The following RNF123 variants were observed in gnomAD, a reference collection of about 807,000 sequenced individuals.
The protein encoded by RNF123 is ring finger protein 123.
In RNF123, 86 loss-of-function variants were observed where a neutral mutation model predicts 168.5. That is an observed-to-expected ratio of 0.51 (90% CI 0.43 to 0.61). The LOEUF (loss-of-function observed/expected upper bound fraction) is 0.61. RNF123 is among the 20% of genes least tolerant of loss of function. The pLI, the probability that RNF123 is intolerant of heterozygous loss-of-function variation, is 0.00. For missense variants in RNF123, 1,419 were observed against 1,729.7 expected (o/e 0.82, Z 3.19); for synonymous variants, 666 against 689.1 (o/e 0.97, Z 0.52).
In RNF123 at chr3:49,720,572, T is replaced by TATC; in HGVS notation, c.3563_3565dup (p.Tyr1188_Leu1189insHis). ...CTGCTTCCAGCTACGCTCAATATGC[T>TATC]ATCTCCTGGGACAGCCAGAGCCCCC... On this transcript the variant is annotated inframe_insertion, in exon 36 of 39. Transcript: ENST00000327697. 1.2e-6 allele frequency: 2 copies of TATC among 1,612,146 alleles called. No individual in the cohort carries two copies. Among genetic ancestry groups the TATC allele is most frequent in the Non-Finnish European group, 1.7e-6 (2 of 1,178,900 alleles).
intron 26 of RNF123, among the ~76,000 whole-genome samples, chr3:49,711,351 C>T (rs1353630980): frequency 2.6e-5 from 4 of 152,158 alleles, no homozygotes; most frequent in Non-Finnish European, 4.4e-5. Flanking sequence ...ACATCTTCCC[C>T]TTCATCTCCC....
rs200239238 is a variant in RNF123 at position 49,702,400 on chromosome 3, C to T, written c.1624C>T (p.Arg542Trp). ...GTTTCTGCAGGAGAACGCCAGTGGC[C>T]GGGGGGTAGGTGTCCTCCAGGCCAG... Reference protein sequence around the residue: ...RKFLQENASGRGNMPMLCPPE... With the variant: ...RKFLQENASGWGNMPMLCPPE... Residue 542 changes from arginine to tryptophan, a missense_variant, in exon 19 of 39, where the codon CGG (arginine) becomes TGG (tryptophan). Coordinates refer to ENST00000327697, the MANE Select transcript of RNF123 (RefSeq NM_022064.5). 14 of 1,614,104 alleles carry T rather than the reference C, an allele frequency of 8.7e-6. No homozygotes were observed. Among genetic ancestry groups the T allele is most frequent in the Middle Eastern group, 1.6e-4 (1 of 6,062 alleles).
Position 49,702,188 on chromosome 3 carries a change from G to A in RNF123, c.1557+44G>A, listed in dbSNP as rs530894450. ...CCCTGGGTGGGGCCCTGTGGGGAGG[G>A]ATGCTGCACTGGGCCTTAAGACCCA... On this transcript the variant is annotated intron_variant, in intron 18 of 38. Coordinates refer to ENST00000327697, the MANE Select transcript of RNF123 (RefSeq NM_022064.5). 4 of 1,602,488 alleles carry A rather than the reference G, an allele frequency of 2.5e-6. No individual in the cohort carries two copies. In the Admixed American group the frequency reaches 5.0e-5, roughly 20 times the overall value.
rs754498667 is a variant in RNF123 at position 49,700,581 on chromosome 3, C to T, written c.1203+17C>T. ...GGCCTACAGGTGGGAGCCCCTACCC[C>T]TGCCCTGAGCCCCCTGGGACTCGCC... On this transcript the variant is annotated intron_variant, in intron 14 of 38. Coordinates refer to ENST00000327697, the MANE Select transcript of RNF123 (RefSeq NM_022064.5). The T allele has an allele frequency of 2.8e-5, 46 of 1,614,096 alleles. No homozygotes were observed. The Admixed American group carries it at 7.0e-4, about 25-fold the overall frequency.
intron 2 of RNF123, 57 bp from the exon 3 acceptor site, chr3:49,691,368 G>C: frequency 6.2e-7 from 1 of 1,604,400 alleles, no homozygotes; most frequent in Non-Finnish European, 8.5e-7. Flanking sequence ...GGGCCAGCAG[G>C]GGCCAGGAGC....
At chr3:49,692,900 A>T (rs1214286064) in intron 3 of RNF123, among the ~76,000 whole-genome samples, 1 of 152,154 alleles carries the variant, frequency 6.6e-6, no homozygotes, top group Non-Finnish European at 1.5e-5. Context: ...ATTGCTTCCA[A>T]ATCTTGGCTA....
Position 49,702,655 on chromosome 3 carries a change from C to G in RNF123, c.1652C>G (p.Pro551Arg). The change falls in exon 20 of 39, where the codon CCT (proline) becomes CGT (arginine). Residue 551 changes from proline (P) to arginine (R), a missense_variant. Physicochemically the swap from Pro to Arg is moderately radical, Grantham distance 103. Transcript: ENST00000327697. ...CAGAACATGCCCATGCTCTGCCCCC[C>G]TGAGTACATGGTCTGCTTCTTACAC... ...GRGNMPMLCP[P>R]EYMVCFLHRL... 1.2e-6 allele frequency: 2 copies of G among 1,614,260 alleles called. No homozygotes were observed. The highest frequency in any genetic ancestry group is 1.7e-6 in the Non-Finnish European group (2 of 1,180,034).
intron 3 of RNF123, 166 bp from the exon 4 acceptor site, chr3:49,696,977 A>G: frequency 1.5e-6 from 1 of 672,544 alleles, no homozygotes; most frequent in Middle Eastern, 2.7e-4. Flanking sequence ...TTTAGTGGAG[A>G]ATTCGGCCTT....
chr3:49,690,588 C>G (rs962746973), intron 1 of RNF123, among the ~76,000 whole-genome samples: 3 of 152,222 alleles, frequency 2.0e-5, no homozygotes, highest in Non-Finnish European at 2.9e-5. Flanking sequence ...AATGGTGAAA[C>G]TATCAGGACC....
At chr3:49,705,297 G>A in intron 23 of RNF123, 115 bp downstream of exon 23, 1 of 1,339,716 alleles carries the variant, frequency 7.5e-7, no homozygotes, top group Non-Finnish European at 1.0e-6. Context: ...TGGCCTGGCA[G>A]CATCCCAGGA....
At chr3:49,698,015 T>G (rs753255429) in intron 6 of RNF123, 37 bp from the exon 7 acceptor site, 1 of 1,612,808 alleles carries the variant, frequency 6.2e-7, no homozygotes, top group South Asian at 1.1e-5. Context: ...AGAGGCAGTC[T>G]TTGTCCACCT....
chr3:49,709,115 C>T (rs1268307198), intron 26 of RNF123, among the ~76,000 whole-genome samples: 14 of 149,064 alleles, frequency 9.4e-5, no homozygotes, highest in South Asian at 2.1e-4. Flanking sequence ...CCACCATGCT[C>T]GGCTAATTTT....
rs1469879691 is a variant in RNF123 at position 49,702,323 on chromosome 3, C to T, written c.1558-11C>T. On this transcript the variant is annotated splice_polypyrimidine_tract_variant and intron_variant, in intron 18 of 38. Coordinates refer to ENST00000327697, the MANE Select transcript of RNF123 (RefSeq NM_022064.5). ...CAGCTCAGCACAGCCTCACTTTTCC[C>T]TCTCTCAAAGGGTGAAGCTTCTAGG... is the stretch of plus-strand genomic sequence containing the variant. 2.5e-6 allele frequency: 4 copies of T among 1,613,978 alleles called. No homozygotes were observed. In the African/African-American group the frequency reaches 4.0e-5, roughly 16 times the overall value.
intron 4 of RNF123, 24 bp downstream of exon 4, chr3:49,697,246 G>C: frequency 5.6e-6 from 9 of 1,609,440 alleles, no homozygotes; most frequent in Non-Finnish European, 7.7e-6. Flanking sequence ...TCTGGAGTGG[G>C]GTTGGGAGGT....
At chr3:49,697,851 G>C (rs764637626) in intron 5 of RNF123, 34 bp from the exon 6 acceptor site, 2 of 1,613,584 alleles carry the variant, frequency 1.2e-6, no homozygotes, top group Admixed American at 3.3e-5. Context: ...CTGTGTGCCT[G>C]GGAGCTAGCC....
At chr3:49,720,392 G>A in intron 35 of RNF123, 119 bp from the exon 36 acceptor site, 1 of 1,032,574 alleles carries the variant, frequency 9.7e-7, no homozygotes, top group Admixed American at 3.1e-5. Context: ...CAGGGAGACG[G>A]AAAGGATGCA....
At chr3:49,696,467 G>A (rs1300606177) in intron 3 of RNF123, among the ~76,000 whole-genome samples, 4 of 150,544 alleles carry the variant, frequency 2.7e-5, no homozygotes, top group Non-Finnish European at 5.9e-5. Context: ...TCCTGCCTCC[G>A]CCTCCCAAGT....
At position 49,700,591 on chromosome 3, in the gene RNF123, C is replaced by T. The variant is rs113657583; in HGVS notation, c.1203+27C>T. ...TGGGAGCCCCTACCCCTGCCCTGAGCCCCCTGGGACTCGCCTGTCCACTCT... is the reference window on the plus strand; with the variant it reads ...TGGGAGCCCCTACCCCTGCCCTGAGTCCCCTGGGACTCGCCTGTCCACTCT... On this transcript the variant is annotated intron_variant, in intron 14 of 38. Transcript: ENST00000327697. The T allele has an allele frequency of 1.7e-5, 28 of 1,613,840 alleles. No homozygotes were observed. In the African/African-American group the frequency reaches 1.9e-4, roughly 11 times the overall value.
In RNF123 at chr3:49,716,122, C is replaced by A. The variant is rs1345234653; in HGVS notation, c.3360C>A (p.Asn1120Lys). ...RLAQLLNQVL[N>K]RVTAERNLFD... ...CACAGCTGCTAAACCAGGTGCTGAA[C>A]CGGGTGACAGCTGAGAGGAACCTGT... is the stretch of plus-strand genomic sequence containing the variant. Residue 1120 changes from asparagine to lysine, a missense_variant, in exon 34 of 39, where the codon AAC (asparagine) becomes AAA (lysine). Asn to Lys is a moderately conservative substitution (Grantham distance 94). This residue lies in a region of RNF123 where 538 missense variants were observed against 708.8 expected (regional missense o/e 0.76). Transcript: ENST00000327697. The A allele has an allele frequency of 6.2e-7, 1 of 1,613,784 alleles. No individual in the cohort carries two copies. Among genetic ancestry groups the A allele is most frequent in the Admixed American group, 1.7e-5 (1 of 60,022 alleles).
Sources: gnomAD v4.1 joint callset for allele counts (sites outside exome capture counted in the v4.1 genomes callset) on GRCh38, gnomAD v4.1.1 for gene constraint, gnomAD v4.1.1 regional missense constraint, MANE v1.5 for transcripts, NCBI Gene and HGNC (gene_info 2026-07-23, HGNC 2026-07-21) for gene names.